The following GNG12 variants were observed in gnomAD, a reference collection of about 807,000 sequenced individuals.
GNG12 encodes the protein guanine nucleotide-binding protein G(I)/G(S)/G(O) subunit gamma-12.
For synonymous variants in GNG12, 28 were observed against 29.7 expected (o/e 0.94, Z 0.19); for missense variants, 69 against 83.8 (o/e 0.82, Z 0.69).
chr1:67,820,000 C>T (rs192801303), intron 1 of GNG12, among the ~76,000 whole-genome samples: 1 of 151,896 alleles, frequency 6.6e-6, no homozygotes, highest in East Asian at 1.9e-4. Context: ...GAATTGACCT[C>T]GTCATGTGAT....
At chr1:67,766,100 A>ACG (rs1646635863) in intron 2 of GNG12, among the ~76,000 whole-genome samples, 3 of 133,508 alleles carry the variant, frequency 2.2e-5, no homozygotes, top group South Asian at 2.4e-4. Flanking sequence ...AAAACAAGGC[A>ACG]CACACGCACA....
Position 67,701,478 on chromosome 1 carries a change from T to C in GNG12, c.*3973A>G, listed in dbSNP as rs1249942379. The C allele has an allele frequency of 6.6e-6, 1 of 152,600 alleles. No individual in the cohort carries two copies. The highest frequency in any genetic ancestry group is 1.5e-5 in the Non-Finnish European group (1 of 68,052). The allele number at this position is 152,600 out of a possible 1,614,324, so 9.5% of individuals were successfully genotyped here. A position where few individuals can be genotyped will look rare whatever the true frequency, so the allele number is the denominator to read the frequency against. On this transcript the variant is annotated 3_prime_UTR_variant, in exon 4 of 4. Coordinates refer to ENST00000370982, the MANE Select transcript of GNG12 (RefSeq NM_018841.6). ...GGAAGGGAAAGGGGAAGAGAAATGG[T>C]CTTTTATTCATTTATTGAGCAAAAC...
At chr1:67,752,321 C>A (rs1646543760) in intron 2 of GNG12, among the ~76,000 whole-genome samples, 1 of 152,250 alleles carries the variant, frequency 6.6e-6, no homozygotes, top group East Asian at 1.9e-4. Context: ...GGCAGCTGTC[C>A]AGAAGTAGCA....
intron 1 of GNG12, among the ~76,000 whole-genome samples, chr1:67,807,858 T>C (rs1198339290): frequency 1.3e-5 from 2 of 152,148 alleles, no homozygotes; most frequent in African/African-American, 4.8e-5. Context: ...TTCAGATGGA[T>C]TCACTTGTGA....
chr1:67,758,367 T>C (rs1227495567), intron 2 of GNG12, among the ~76,000 whole-genome samples: 2 of 152,216 alleles, frequency 1.3e-5, no homozygotes, highest in Non-Finnish European at 1.5e-5. Flanking sequence ...AGGATTAATG[T>C]GGCCTGGGTC....
At chr1:67,793,484 C>T (rs1025868402) in intron 1 of GNG12, among the ~76,000 whole-genome samples, 21 of 151,658 alleles carry the variant, frequency 1.4e-4, no homozygotes, top group African/African-American at 4.8e-4. Context: ...AAGAAGAAAA[C>T]GGTAGATATC....
At chr1:67,815,474 T>C (rs1646948569) in intron 1 of GNG12, among the ~76,000 whole-genome samples, 1 of 152,144 alleles carries the variant, frequency 6.6e-6, no homozygotes, top group Non-Finnish European at 1.5e-5. Flanking sequence ...GAAACACGAC[T>C]TGCCAGGACA....
At chr1:67,753,454 T>C (rs936444125) in intron 2 of GNG12, among the ~76,000 whole-genome samples, 1 of 152,158 alleles carries the variant, frequency 6.6e-6, no homozygotes, top group South Asian at 2.1e-4. Context: ...TGCCCTACAG[T>C]GAACATCACC....
chr1:67,749,671 G>T (rs767405178), intron 2 of GNG12, among the ~76,000 whole-genome samples: 24 of 152,170 alleles, frequency 1.6e-4, no homozygotes, highest in Non-Finnish European at 3.2e-4. Context: ...AGGACAGACT[G>T]GTTGATCTGG....
intron 2 of GNG12, among the ~76,000 whole-genome samples, chr1:67,730,643 G>A (rs147477741): frequency 3.9e-5 from 6 of 152,292 alleles, no homozygotes; most frequent in African/African-American, 1.4e-4. Context: ...AGGGAAAGGT[G>A]GGAAAGGAAA....
At chr1:67,762,801 C>T (rs574241089) in intron 2 of GNG12, among the ~76,000 whole-genome samples, 50 of 151,970 alleles carry the variant, frequency 3.3e-4, no homozygotes, top group African/African-American at 1.1e-3. Flanking sequence ...TGTTATATTT[C>T]CTTCTAATAT....
At chr1:67,778,669 G>A (rs1259333188) in intron 1 of GNG12, among the ~76,000 whole-genome samples, 1 of 152,114 alleles carries the variant, frequency 6.6e-6, no homozygotes, top group Non-Finnish European at 1.5e-5. Context: ...GGCAACTGAG[G>A]CACAGAGGGG....
intron 2 of GNG12, among the ~76,000 whole-genome samples, chr1:67,757,937 G>A (rs116230830): frequency 1.2e-3 from 178 of 152,240 alleles, no homozygotes; most frequent in African/African-American, 4.2e-3. Flanking sequence ...CAGAATCGCA[G>A]GTCTGAAAAG....
At chr1:67,710,846 G>A (rs1237104223) in intron 2 of GNG12, among the ~76,000 whole-genome samples, 1 of 152,056 alleles carries the variant, frequency 6.6e-6, no homozygotes, top group African/African-American at 2.4e-5. Flanking sequence ...TCCCAGGCTC[G>A]ACAAAGTCCA....
At chr1:67,806,267 A>G in intron 1 of GNG12, among the ~76,000 whole-genome samples, 1 of 152,204 alleles carries the variant, frequency 6.6e-6, no homozygotes, top group East Asian at 1.9e-4. Context: ...GATTTAACAG[A>G]TAATACTTTG....
At chr1:67,773,476 T>A (rs1646686323) in intron 2 of GNG12, among the ~76,000 whole-genome samples, 1 of 152,182 alleles carries the variant, frequency 6.6e-6, no homozygotes, top group African/African-American at 2.4e-5. Flanking sequence ...TAGTTTATAG[T>A]TCGCTACCAT....
At chr1:67,733,493 G>C (rs1307122243) in intron 2 of GNG12, among the ~76,000 whole-genome samples, 1 of 152,018 alleles carries the variant, frequency 6.6e-6, no homozygotes, top group Non-Finnish European at 1.5e-5. Flanking sequence ...TTTGCATATG[G>C]TTCTGCAATT....
At chr1:67,725,122 C>T (rs1050281730) in intron 2 of GNG12, among the ~76,000 whole-genome samples, 12 of 152,136 alleles carry the variant, frequency 7.9e-5, no homozygotes, top group African/African-American at 2.4e-4. Flanking sequence ...GGGCCCTCTG[C>T]CCATTTCACA....
At chr1:67,824,752 T>C (rs1647002491) in intron 1 of GNG12, among the ~76,000 whole-genome samples, 1 of 150,952 alleles carries the variant, frequency 6.6e-6, no homozygotes, top group Admixed American at 6.6e-5. Flanking sequence ...GGAGGAGGAG[T>C]CGAAGAAACC....
Sources: gnomAD v4.1 joint callset for allele counts (sites outside exome capture counted in the v4.1 genomes callset) on GRCh38, gnomAD v4.1.1 for gene constraint, MANE v1.5 for transcripts, NCBI Gene and HGNC (gene_info 2026-07-23, HGNC 2026-07-21) for gene names.